The following EYS variants were observed in gnomAD, a reference collection of about 807,000 sequenced individuals.
The protein encoded by EYS is protein eyes shut homolog.
In EYS, 250 loss-of-function variants were observed where a neutral mutation model predicts 282.1. The observed-to-expected ratio is 0.89, with a 90% CI of 0.80 to 0.98. EYS has a LOEUF of 0.98. Ranked by LOEUF, EYS falls within the 50% of genes least tolerant of loss-of-function variation. The pLI, the probability that EYS is intolerant of heterozygous loss-of-function variation, is 0.00. For missense variants in EYS, 4,016 were observed against 3,709.0 expected (o/e 1.08, Z -2.15); for synonymous variants, 1,355 against 1,282.9 (o/e 1.06, Z -1.20).
At chr6:65,462,663 G>T (rs961001849) in intron 5 of EYS, among the ~76,000 whole-genome samples, 1 of 151,858 alleles carries the variant, frequency 6.6e-6, no homozygotes, top group Non-Finnish European at 1.5e-5. Flanking sequence ...GTGTTTTGAT[G>T]TCACACCATT....
chr6:64,626,347 C>T, intron 22 of EYS, 102 bp from the exon 23 acceptor site: 1 of 1,386,126 alleles, frequency 7.2e-7, no homozygotes, highest in Non-Finnish European at 9.6e-7. Context: ...TTCAGAGCTC[C>T]AACAACATGT....
intron 39 of EYS, among the ~76,000 whole-genome samples, chr6:63,780,719 G>A (rs1204938182): frequency 1.3e-5 from 2 of 152,190 alleles, no homozygotes; most frequent in South Asian, 2.1e-4. Context: ...TCTGATGGTA[G>A]TTTCTTTTGC....
chr6:65,702,976 G>A (rs772678281), intron 1 of EYS, among the ~76,000 whole-genome samples: 5 of 152,086 alleles, frequency 3.3e-5, no homozygotes, highest in Non-Finnish European at 7.4e-5. Context: ...CTTCCACAAT[G>A]TGAGTGAGCT....
intron 35 of EYS, among the ~76,000 whole-genome samples, chr6:63,938,907 G>A (rs1765151159): frequency 6.6e-6 from 1 of 152,122 alleles, no homozygotes; most frequent in Non-Finnish European, 1.5e-5. Context: ...GAGCACAAAA[G>A]TGAACTAAAT....
intron 26 of EYS, among the ~76,000 whole-genome samples, chr6:64,575,894 CA>C (rs1483822516): frequency 6.6e-6 from 1 of 151,972 alleles, no homozygotes; most frequent in Non-Finnish European, 1.5e-5. Flanking sequence ...ACTGTGACAG[CA>C]ATTTATATAG....
At chr6:65,282,270 G>A (rs1488048997) in intron 12 of EYS, among the ~76,000 whole-genome samples, 1 of 151,902 alleles carries the variant, frequency 6.6e-6, no homozygotes, top group Non-Finnish European at 1.5e-5. Flanking sequence ...TAAGGTGATG[G>A]ATCTGTTAAC....
intron 27 of EYS, among the ~76,000 whole-genome samples, chr6:64,437,744 T>C (rs1346637526): frequency 7.2e-6 from 1 of 138,328 alleles, no homozygotes. Flanking sequence ...TAGCTTTTTT[T>C]TCCTTTTTTT....
intron 2 of EYS, among the ~76,000 whole-genome samples, chr6:65,533,524 A>G (rs1767859385): frequency 6.6e-6 from 1 of 152,122 alleles, no homozygotes; most frequent in Non-Finnish European, 1.5e-5. Context: ...TGGGAGAGAC[A>G]CAATAAAAAA....
chr6:64,886,916 T>A (rs1221333611), intron 18 of EYS, 74 bp from the exon 19 acceptor site: 4 of 895,322 alleles, frequency 4.5e-6, no homozygotes, highest in Non-Finnish European at 6.4e-6. Context: ...TTCATATTTA[T>A]ATTTTAAATT....
At chr6:64,840,820 A>G (rs887911258) in intron 19 of EYS, among the ~76,000 whole-genome samples, 2 of 135,078 alleles carry the variant, frequency 1.5e-5, no homozygotes, top group South Asian at 4.5e-4. Flanking sequence ...GTCCAATACT[A>G]CAGTTTTCAG....
chr6:63,989,655 T>C (rs1582089118), intron 34 of EYS, among the ~76,000 whole-genome samples: 1 of 149,496 alleles, frequency 6.7e-6, no homozygotes, highest in Non-Finnish European at 1.5e-5. Context: ...CACTTTTTTT[T>C]ACAAATGACA....
intron 26 of EYS, among the ~76,000 whole-genome samples, chr6:64,510,129 G>A (rs1777337014): frequency 6.6e-6 from 1 of 151,876 alleles, no homozygotes; most frequent in South Asian, 2.1e-4. Flanking sequence ...AAATTATTTA[G>A]ATCTAAAAAA....
intron 14 of EYS, among the ~76,000 whole-genome samples, chr6:64,966,562 A>C (rs1468596703): frequency 6.6e-6 from 1 of 152,174 alleles, no homozygotes; most frequent in Non-Finnish European, 1.5e-5. Flanking sequence ...GGCCACCTTC[A>C]AGGGGCTTTA....
At chr6:65,262,117 T>C (rs1767637734) in intron 12 of EYS, among the ~76,000 whole-genome samples, 1 of 152,070 alleles carries the variant, frequency 6.6e-6, no homozygotes, top group Non-Finnish European at 1.5e-5. Context: ...TCTAAATAGC[T>C]CCCAGGTGCT....
At chr6:64,406,079 C>T (rs1773696200) in intron 28 of EYS, among the ~76,000 whole-genome samples, 1 of 152,106 alleles carries the variant, frequency 6.6e-6, no homozygotes, top group African/African-American at 2.4e-5. Flanking sequence ...TTCACAGTAA[C>T]CAAAACAGCA....
chr6:65,627,028 TC>T (rs1202267584), intron 2 of EYS, among the ~76,000 whole-genome samples: 16 of 143,704 alleles, frequency 1.1e-4, no homozygotes, highest in African/African-American at 4.0e-4. Context: ...TCTTTCTTTC[TC>T]TTTCTTTCTC....
At chr6:65,423,531 T>C (rs552167579) in intron 5 of EYS, among the ~76,000 whole-genome samples, 10 of 151,958 alleles carry the variant, frequency 6.6e-5, no homozygotes, top group Non-Finnish European at 1.2e-4. Flanking sequence ...CGGGTCTACA[T>C]TAGGTATCAT....
At chr6:64,684,585 GA>G (rs201360328) in intron 22 of EYS, among the ~76,000 whole-genome samples, 10,325 of 126,256 alleles carry the variant, frequency 0.082, 380 homozygotes, top group East Asian at 0.16. Context: ...ATAATTATAG[GA>G]AAAAAAATAT....
intron 33 of EYS, among the ~76,000 whole-genome samples, chr6:64,045,091 G>C (rs1770557556): frequency 6.6e-6 from 1 of 152,112 alleles, no homozygotes; most frequent in South Asian, 2.1e-4. Flanking sequence ...GAGCACACAG[G>C]CCATTCATAG....
Sources: allele counts gnomAD v4.1 joint callset (sites outside exome capture counted in the v4.1 genomes callset), GRCh38; gene constraint gnomAD v4.1.1; transcripts MANE v1.5; gene names NCBI Gene and HGNC (gene_info 2026-07-23, HGNC 2026-07-21).